ANKFN1: variants seen among roughly 807,000 people sequenced by gnomAD.
The protein encoded by ANKFN1 is ankyrin repeat and fibronectin type III domain containing 1.
Under a neutral mutation model 108.7 loss-of-function variants are expected in ANKFN1, and 74 were observed. The ratio of observed to expected loss-of-function variants is 0.68; its 90% CI spans 0.56 to 0.83. The LOEUF is 0.83. ANKFN1 is among the 40% of genes least tolerant of loss of function. The pLI is 0.00. For synonymous variants in ANKFN1, 547 were observed against 516.2 expected, an observed-to-expected ratio of 1.06 and a Z score of -0.81; for missense variants, 1,505 against 1,382.3, an observed-to-expected ratio of 1.09 and a Z score of -1.41.
intron 3 of ANKFN1, among the ~76,000 whole-genome samples, chr17:56,268,965 T>G (rs1377529179): frequency 6.6e-6 from 1 of 152,144 alleles, no homozygotes; most frequent in East Asian, 1.9e-4. Flanking sequence ...AATAACTGAC[T>G]CCTATTCTTT....
At chr17:56,333,034 G>T (rs914120482) in intron 4 of ANKFN1, among the ~76,000 whole-genome samples, 5 of 150,504 alleles carry the variant, frequency 3.3e-5, no homozygotes, top group African/African-American at 9.9e-5. Context: ...ATCATGTCAT[G>T]TTCAGCATCC....
At chr17:56,358,885 C>G (rs1003265304) in intron 6 of ANKFN1, among the ~76,000 whole-genome samples, 2 of 151,902 alleles carry the variant, frequency 1.3e-5, no homozygotes, top group Non-Finnish European at 2.9e-5. Context: ...CAGTCATAAA[C>G]CCCTCCCTTT....
chr17:56,252,391 C>T (rs2043254543), intron 3 of ANKFN1: 1 of 152,312 alleles, frequency 6.6e-6, no homozygotes, highest in African/African-American at 2.4e-5. Flanking sequence ...AGTCCAGTTG[C>T]ATTTATTTGT....
At position 56,457,251 on chromosome 17, in the gene ANKFN1, T is replaced by G. The variant is rs1380621993; in HGVS notation, c.1308-6T>G. ...ACAATGCTTTTATTTTCCTTTTTCT[T>G]TTTAGGGGACTCTACATAGCCGTTA... On this transcript the variant is annotated splice_polypyrimidine_tract_variant and splice_region_variant and intron_variant, in intron 12 of 20. Coordinates refer to ENST00000682825, the MANE Select transcript of ANKFN1 (RefSeq NM_001370326.1). 2 of 1,552,944 alleles carry G rather than the reference T, an allele frequency of 1.3e-6. No individual in the cohort carries two copies. Among genetic ancestry groups the G allele is most frequent in the African/African-American group, 1.4e-5 (1 of 72,092 alleles).
chr17:56,333,337 C>T (rs1038307817), intron 4 of ANKFN1, among the ~76,000 whole-genome samples: 3 of 152,100 alleles, frequency 2.0e-5, no homozygotes, highest in Admixed American at 2.0e-4. Flanking sequence ...GGTTCCCTTA[C>T]ATTCCTGAAA....
intron 4 of ANKFN1, among the ~76,000 whole-genome samples, chr17:56,144,208 GA>G (rs1221783564): frequency 7.6e-6 from 1 of 131,502 alleles, no homozygotes; most frequent in Non-Finnish European, 1.6e-5. Flanking sequence ...AATGAATGCA[GA>G]GGCAAAAGGA....
chr17:56,363,596 G>C (rs909447655), intron 6 of ANKFN1, among the ~76,000 whole-genome samples: 2 of 152,172 alleles, frequency 1.3e-5, no homozygotes, highest in African/African-American at 4.8e-5. Context: ...TTTGAAATCA[G>C]TTTGTCAAAG....
At chr17:56,143,005 C>A (rs1052251522) in intron 4 of ANKFN1, among the ~76,000 whole-genome samples, 1 of 152,120 alleles carries the variant, frequency 6.6e-6, no homozygotes, top group Non-Finnish European at 1.5e-5. Flanking sequence ...ACAGATGACC[C>A]TCACCAATGA....
intron 1 of ANKFN1, among the ~76,000 whole-genome samples, chr17:56,154,970 G>T (rs1294024844): frequency 1.3e-5 from 2 of 152,190 alleles, no homozygotes. Flanking sequence ...CTTCATCCAT[G>T]AAGTGACAGA....
chr17:56,082,593 C>A (rs1905261946), intron 4 of ANKFN1, among the ~76,000 whole-genome samples: 1 of 152,222 alleles, frequency 6.6e-6, no homozygotes, highest in Non-Finnish European at 1.5e-5. Flanking sequence ...CCAGGAATTT[C>A]TAGGTCTCCA....
chr17:56,187,851 A>G (rs1482760881), intron 1 of ANKFN1, among the ~76,000 whole-genome samples: 1 of 148,220 alleles, frequency 6.7e-6, no homozygotes, highest in Non-Finnish European at 1.5e-5. Flanking sequence ...CAAACACTGC[A>G]TGTTCTCACC....
intron 7 of ANKFN1, among the ~76,000 whole-genome samples, chr17:56,374,117 T>A (rs762718861): frequency 1.3e-5 from 2 of 152,218 alleles, no homozygotes; most frequent in Admixed American, 6.5e-5. Context: ...CCTGACTGTT[T>A]GTCTTCACTG....
chr17:56,120,200 A>G (rs764074548), intron 4 of ANKFN1, among the ~76,000 whole-genome samples: 1 of 152,114 alleles, frequency 6.6e-6, no homozygotes, highest in Non-Finnish European at 1.5e-5. Flanking sequence ...TTATCATTCC[A>G]TAAAAGGGAG....
intron 6 of ANKFN1, among the ~76,000 whole-genome samples, chr17:56,366,226 G>A (rs1354788230): frequency 6.6e-6 from 1 of 152,170 alleles, no homozygotes. Context: ...TTTGTACAGT[G>A]GTACTGTTTG....
intron 3 of ANKFN1, among the ~76,000 whole-genome samples, chr17:56,310,844 T>C (rs1264674247): frequency 6.6e-6 from 1 of 151,634 alleles, no homozygotes; most frequent in Non-Finnish European, 1.5e-5. Flanking sequence ...ATAGTCACCA[T>C]GCTGTACATT....
chr17:56,296,054 T>C (rs1218347064), intron 3 of ANKFN1, among the ~76,000 whole-genome samples: 1 of 151,802 alleles, frequency 6.6e-6, no homozygotes, highest in Non-Finnish European at 1.5e-5. Flanking sequence ...ATGTACTAAA[T>C]TATGGATTTT....
intron 3 of ANKFN1, chr17:56,245,854 G>A (rs1036462220): frequency 2.6e-5 from 4 of 152,046 alleles, no homozygotes; most frequent in Admixed American, 2.6e-4. Context: ...ACTAAGTCAT[G>A]TTTTATGGAC....
intron 3 of ANKFN1, among the ~76,000 whole-genome samples, chr17:56,276,767 ATTCTTAT>A (rs2043946845): frequency 6.6e-6 from 1 of 152,094 alleles, no homozygotes; most frequent in Non-Finnish European, 1.5e-5. Context: ...AAGGGAGTTT[ATTCTTAT>A]TCCTTTTCCC....
At chr17:56,313,105 A>T (rs1439885842) in intron 3 of ANKFN1, among the ~76,000 whole-genome samples, 1 of 151,774 alleles carries the variant, frequency 6.6e-6, no homozygotes, top group Non-Finnish European at 1.5e-5. Context: ...ATGAGCTGAG[A>T]TCATGCCACT....
Sources: allele counts gnomAD v4.1 joint callset (sites outside exome capture counted in the v4.1 genomes callset), GRCh38; gene constraint gnomAD v4.1.1; transcripts MANE v1.5; gene names NCBI Gene and HGNC (gene_info 2026-07-23, HGNC 2026-07-21).